STRADB: variants seen among roughly 807,000 people sequenced by gnomAD.
STRADB encodes the protein STE20-related kinase adapter protein beta.
A neutral mutation model predicts 52.1 loss-of-function variants in STRADB; 34 were observed. The ratio of observed to expected loss-of-function variants is 0.65; its 90% confidence interval spans 0.50 to 0.87. STRADB has a LOEUF of 0.87. Ranked by LOEUF, STRADB falls within the 40% of genes least tolerant of loss-of-function variation. The pLI, the probability that STRADB is intolerant of heterozygous loss-of-function variation, is 0.00. For synonymous variants in STRADB, 133 were observed against 174.5 expected (o/e 0.76, Z 1.87); for missense variants, 340 against 483.9 (o/e 0.70, Z 2.79).
intron 3 of STRADB, among the ~76,000 whole-genome samples, chr2:201,467,016 G>A (rs1042984994): frequency 3.9e-5 from 6 of 152,116 alleles, no homozygotes; most frequent in Non-Finnish European, 7.4e-5. Flanking sequence ...ATGATGTAGG[G>A]TCTGTTCCTC....
chr2:201,464,848 A>G (rs1043038486), intron 3 of STRADB, among the ~76,000 whole-genome samples: 3 of 152,230 alleles, frequency 2.0e-5, no homozygotes, highest in African/African-American at 7.2e-5. Context: ...CCTCAGGCAG[A>G]AGGAGTCTCT....
chr2:201,452,056 A>T (rs1363502768), intron 1 of STRADB, 118 bp downstream of exon 1: 2 of 152,154 alleles, frequency 1.3e-5, no homozygotes, highest in Non-Finnish European at 2.9e-5. Context: ...GCGCTAGCCC[A>T]CCTCCAGCCC....
At chr2:201,479,288 T>C (rs1952532423) in intron 10 of STRADB, 1 of 548,182 alleles carries the variant, frequency 1.8e-6, no homozygotes, top group Admixed American at 3.7e-5. Flanking sequence ...ATGTTGAGTA[T>C]GGATTAATTG....
intron 3 of STRADB, chr2:201,460,858 T>C: frequency 4.2e-6 from 1 of 236,138 alleles, no homozygotes; most frequent in Non-Finnish European, 9.3e-6. Context: ...TATACTGATT[T>C]CTTTTCTTTT....
At chr2:201,461,132 G>A (rs947874825) in intron 3 of STRADB, among the ~76,000 whole-genome samples, 4 of 151,642 alleles carry the variant, frequency 2.6e-5, no homozygotes, top group African/African-American at 9.7e-5. Context: ...AGTGATGTTG[G>A]GCACTTTTTC....
intron 1 of STRADB, among the ~76,000 whole-genome samples, chr2:201,454,169 G>A (rs978023677): frequency 2.0e-5 from 3 of 152,192 alleles, no homozygotes; most frequent in South Asian, 2.1e-4. Context: ...TCTGGAAACC[G>A]TGGATGGTGC....
intron 7 of STRADB, 92 bp downstream of exon 7, chr2:201,475,834 A>C: frequency 7.3e-7 from 1 of 1,360,840 alleles, no homozygotes; most frequent in Non-Finnish European, 1.0e-6. Flanking sequence ...AATATTAGAA[A>C]AAAGGGATAG....
intron 4 of STRADB, among the ~76,000 whole-genome samples, chr2:201,471,430 A>G (rs1324123004): frequency 6.6e-6 from 1 of 152,194 alleles, no homozygotes; most frequent in Admixed American, 6.5e-5. Context: ...GGAGATTTGG[A>G]ATTGTCCTTC....
chr2:201,452,535 C>G (rs943597131), intron 1 of STRADB, among the ~76,000 whole-genome samples: 1 of 152,222 alleles, frequency 6.6e-6, no homozygotes, highest in African/African-American at 2.4e-5. Flanking sequence ...AGCACGGTGC[C>G]TGGCACCCAG....
At chr2:201,456,326 A>G (rs1952127122) in intron 2 of STRADB, among the ~76,000 whole-genome samples, 1 of 152,228 alleles carries the variant, frequency 6.6e-6, no homozygotes, top group Non-Finnish European at 1.5e-5. Context: ...GTTGGAAAAG[A>G]TGTGAAAGGG....
At chr2:201,471,545 G>A (rs1248061738) in intron 4 of STRADB, among the ~76,000 whole-genome samples, 2 of 152,048 alleles carry the variant, frequency 1.3e-5, no homozygotes, top group Non-Finnish European at 2.9e-5. Flanking sequence ...CTCCCATTTC[G>A]CAGATGAGGA....
At chr2:201,469,145 A>G (rs1042652655) in intron 3 of STRADB, among the ~76,000 whole-genome samples, 31 of 152,214 alleles carry the variant, frequency 2.0e-4, no homozygotes, top group African/African-American at 7.2e-4. Flanking sequence ...AGAGCCAAGA[A>G]TGTGAAAAGG....
intron 3 of STRADB, among the ~76,000 whole-genome samples, chr2:201,461,023 C>G (rs1952207611): frequency 6.6e-6 from 1 of 151,074 alleles, no homozygotes; most frequent in Non-Finnish European, 1.5e-5. Context: ...TCCATATCCT[C>G]ACCAGCATTT....
chr2:201,474,048 G>A (rs111796841), intron 5 of STRADB, among the ~76,000 whole-genome samples: 5 of 151,966 alleles, frequency 3.3e-5, no homozygotes, highest in Admixed American at 1.3e-4. Context: ...CCACCACCAC[G>A]TCCAGCTAAC....
chr2:201,473,718 A>G (rs914789445), intron 5 of STRADB, among the ~76,000 whole-genome samples: 29 of 152,312 alleles, frequency 1.9e-4, no homozygotes, highest in African/African-American at 7.0e-4. Flanking sequence ...ACATAGGGAA[A>G]TGGAAGAAAT....
At chr2:201,473,888 CTTT>C (rs889640879) in intron 5 of STRADB, among the ~76,000 whole-genome samples, 2 of 115,714 alleles carry the variant, frequency 1.7e-5, no homozygotes, top group African/African-American at 3.1e-5. Flanking sequence ...TGTTCCAATT[CTTT>C]TTTTTTTTTT....
At chr2:201,469,769 C>T (rs1425430163) in intron 3 of STRADB, among the ~76,000 whole-genome samples, 184 bp from the exon 4 acceptor site, 1 of 152,226 alleles carries the variant, frequency 6.6e-6, no homozygotes, top group African/African-American at 2.4e-5. Context: ...TAACAGCTTT[C>T]TACCTAACAT....
intron 2 of STRADB, among the ~76,000 whole-genome samples, chr2:201,455,345 G>A (rs1952111596): frequency 1.3e-5 from 2 of 152,068 alleles, no homozygotes; most frequent in Non-Finnish European, 2.9e-5. Context: ...AGTAGCTTGA[G>A]GACTTTCATC....
rs1952186252 is a variant in STRADB, at chr2:201,459,843, A to G, written c.93+979A>G. 2.6e-5 allele frequency among the ~76,000 whole-genome samples: 4 copies of G among 150,960 alleles called. No individual in the cohort carries two copies. The South Asian group carries it at 8.5e-4, about 32-fold the overall frequency. ...AGAATATGTCTTAGTTTCATTCTCT[A>G]CTTGAGATACTCTTCTTTCTTTTCT... On this transcript the variant is annotated intron_variant, in intron 3 of 11. Transcript: ENST00000194530.
Sources: gnomAD v4.1 joint callset for allele counts (sites outside exome capture counted in the v4.1 genomes callset) on GRCh38, gnomAD v4.1.1 for gene constraint, MANE v1.5 for transcripts, NCBI Gene and HGNC (gene_info 2026-07-23, HGNC 2026-07-21) for gene names.